The following ZNG1C variants were observed in gnomAD, a reference collection of about 807,000 sequenced individuals.
ZNG1C encodes the protein zinc-regulated GTPase metalloprotein activator 1C.
chr9:68,268,392 G>T, the ZNG1C span, among the ~76,000 whole-genome samples: 17 of 152,112 alleles, frequency 1.1e-4, no homozygotes, highest in African/African-American at 3.6e-4. Flanking sequence ...AACGGGTAGA[G>T]AGCCTAATTA....
At chr9:68,268,544 T>C in the ZNG1C span, among the ~76,000 whole-genome samples, 1 of 151,992 alleles carries the variant, frequency 6.6e-6, no homozygotes, top group African/African-American at 2.4e-5. Flanking sequence ...CTACCATGTA[T>C]GCCTGAGGAA....
At chr9:68,265,068 T>C in the ZNG1C span, among the ~76,000 whole-genome samples, 5 of 119,658 alleles carry the variant, frequency 4.2e-5, no homozygotes, top group East Asian at 1.0e-3. Context: ...TTTTATTTTA[T>C]TTTAGTAGAG....
At chr9:68,268,295 T>TG in the ZNG1C span, among the ~76,000 whole-genome samples, 3 of 151,968 alleles carry the variant, frequency 2.0e-5, no homozygotes, top group African/African-American at 7.3e-5. Flanking sequence ...AGATGAGGTG[T>TG]ACAGTGTGTT....
At chr9:68,266,850 A>C in the ZNG1C span, among the ~76,000 whole-genome samples, 1 of 152,004 alleles carries the variant, frequency 6.6e-6, no homozygotes, top group African/African-American at 2.4e-5. Context: ...TCAACCATGC[A>C]TTGTCTTCCA....
chr9:68,287,258 A>G, the ZNG1C span, among the ~76,000 whole-genome samples: 1 of 152,180 alleles, frequency 6.6e-6, no homozygotes, highest in Non-Finnish European at 1.5e-5. Context: ...TAAAAGAATG[A>G]AAAGCTGTGT....
At chr9:68,256,137 G>A in the ZNG1C span, among the ~76,000 whole-genome samples, 1 of 152,232 alleles carries the variant, frequency 6.6e-6, no homozygotes, top group Non-Finnish European at 1.5e-5. Context: ...ACGTTGGAAT[G>A]AGTTTGATTA....
At chr9:68,299,009 G>T in the ZNG1C span, 44 of 1,609,544 alleles carry the variant, frequency 2.7e-5, no homozygotes, top group East Asian at 8.5e-4. Context: ...GATTGTCCAG[G>T]GTGTCCATGA....
chr9:68,247,822 A>G, the ZNG1C span: 1 of 521,782 alleles, frequency 1.9e-6, no homozygotes, highest in Admixed American at 4.3e-5. Context: ...GCTTCATTGT[A>G]TTTTCAAACA....
chr9:68,267,073 AG>A, the ZNG1C span, among the ~76,000 whole-genome samples: 1 of 151,356 alleles, frequency 6.6e-6, no homozygotes, highest in Admixed American at 6.6e-5. Flanking sequence ...AACTAATAAA[AG>A]CCCTATACAG....
At chr9:68,297,540 A>G in the ZNG1C span, 1 of 1,183,442 alleles carries the variant, frequency 8.4e-7, no homozygotes, top group Non-Finnish European at 1.1e-6. Flanking sequence ...AAACATTGAT[A>G]TTACTATAAA....
At chr9:68,278,337 GC>G in the ZNG1C span, among the ~76,000 whole-genome samples, 1 of 142,570 alleles carries the variant, frequency 7.0e-6, no homozygotes, top group Non-Finnish European at 1.5e-5. Context: ...GTTATTTCTT[GC>G]CTTCTGCTAG....
At chr9:68,256,067 T>G in the ZNG1C span, among the ~76,000 whole-genome samples, 1 of 152,280 alleles carries the variant, frequency 6.6e-6, no homozygotes, top group African/African-American at 2.4e-5. Flanking sequence ...GGTATTTCAT[T>G]GTTGACACAG....
At chr9:68,280,339 C>T in the ZNG1C span, among the ~76,000 whole-genome samples, 85 of 151,614 alleles carry the variant, frequency 5.6e-4, no homozygotes, top group Non-Finnish European at 2.6e-4. Flanking sequence ...AGCTTTGTTC[C>T]GTTGCTGGTG....
At chr9:68,249,218 G>A in the ZNG1C span, among the ~76,000 whole-genome samples, 2 of 151,494 alleles carry the variant, frequency 1.3e-5, 1 homozygote, top group Non-Finnish European at 2.9e-5. Flanking sequence ...AAGTACAGTT[G>A]TCCCTTGGCA....
the ZNG1C span, among the ~76,000 whole-genome samples, chr9:68,267,404 C>G: frequency 8.8e-6 from 1 of 113,230 alleles, no homozygotes; most frequent in Admixed American, 9.4e-5. Context: ...GGTATTGTTG[C>G]CTAGTGTTGA....
chr9:68,287,223 T>G, the ZNG1C span, among the ~76,000 whole-genome samples: 1 of 152,040 alleles, frequency 6.6e-6, no homozygotes, highest in Non-Finnish European at 1.5e-5. Flanking sequence ...GTACAGGGCT[T>G]GGTGGATACT....
chr9:68,269,230 G>T, the ZNG1C span: 1 of 324,256 alleles, frequency 3.1e-6, no homozygotes, highest in Non-Finnish European at 5.9e-6. Flanking sequence ...GCTTAATGAG[G>T]AAGAAAAGAC....
chr9:68,279,677 G>A, the ZNG1C span, among the ~76,000 whole-genome samples: 18 of 70,450 alleles, frequency 2.6e-4, no homozygotes, highest in African/African-American at 7.5e-4. Flanking sequence ...CAAGAGATCC[G>A]CTGTTAGTCT....
the ZNG1C span, among the ~76,000 whole-genome samples, chr9:68,255,705 T>C: frequency 6.7e-6 from 1 of 149,862 alleles, no homozygotes; most frequent in Admixed American, 6.7e-5. Flanking sequence ...AAATTCATGC[T>C]TTTTTAAATG....
Sources: gnomAD v4.1 joint callset for allele counts (sites outside exome capture counted in the v4.1 genomes callset) on GRCh38, gnomAD v4.1.1 for gene constraint, MANE v1.5 for transcripts, NCBI Gene and HGNC (gene_info 2026-07-23, HGNC 2026-07-21) for gene names.